The following MSRA variants were observed in gnomAD, a reference collection of about 807,000 sequenced individuals.
The protein encoded by MSRA is mitochondrial peptide methionine sulfoxide reductase.
In MSRA, 54 loss-of-function variants were observed where a neutral mutation model predicts 31.3. The ratio of observed to expected loss-of-function variants is 1.73; its 90% CI spans 1.39 to 2.17. MSRA has a LOEUF of 2.17. MSRA is among the 30% of genes most tolerant of loss of function. The pLI is 0.00. For synonymous variants in MSRA, 169 were observed against 116.5 expected (o/e 1.45, Z -2.90); for missense variants, 507 against 300.9 (o/e 1.69, Z -5.07).
At chr8:10,230,821 G>C (rs368780708) in intron 2 of MSRA, among the ~76,000 whole-genome samples, 120 of 152,268 alleles carry the variant, frequency 7.9e-4, no homozygotes, top group African/African-American at 2.8e-3. Flanking sequence ...TTTTGCTCTC[G>C]TTGCCCAGGC....
chr8:10,388,868 C>T (rs1563423713), intron 5 of MSRA, among the ~76,000 whole-genome samples: 2 of 151,706 alleles, frequency 1.3e-5, no homozygotes, highest in Non-Finnish European at 2.9e-5. Context: ...GCGACCCACC[C>T]CTGCCACTGC....
intron 4 of MSRA, among the ~76,000 whole-genome samples, chr8:10,303,308 A>G (rs940447764): frequency 3.9e-5 from 6 of 152,194 alleles, no homozygotes; most frequent in South Asian, 2.1e-4. Flanking sequence ...CCGCTCTTAA[A>G]TGCTTTCATT....
At chr8:10,207,985 G>A (rs1433631418) in intron 2 of MSRA, 84 bp downstream of exon 2, 1 of 1,099,790 alleles carries the variant, frequency 9.1e-7, no homozygotes, top group East Asian at 2.6e-5. Context: ...TGTTCTCAGG[G>A]CTTCAAAATC....
intron 1 of MSRA, among the ~76,000 whole-genome samples, chr8:10,099,175 AC>A (rs1258902271): frequency 6.6e-6 from 1 of 152,194 alleles, no homozygotes; most frequent in African/African-American, 2.4e-5. Context: ...GTTCTCTGAT[AC>A]AAAAAGAAGG....
chr8:10,180,244 T>G (rs993423063), intron 1 of MSRA, among the ~76,000 whole-genome samples: 1 of 152,176 alleles, frequency 6.6e-6, no homozygotes, highest in Admixed American at 6.5e-5. Flanking sequence ...GTTTATTATA[T>G]TTACTGGTTT....
chr8:10,418,647 C>T (rs577475478), intron 5 of MSRA, among the ~76,000 whole-genome samples: 28 of 152,128 alleles, frequency 1.8e-4, no homozygotes, highest in Admixed American at 1.5e-3. Context: ...ATTGTACGTT[C>T]AGGTTCCTTT....
At chr8:10,283,489 C>T (rs534975032) in intron 3 of MSRA, among the ~76,000 whole-genome samples, 1 of 152,040 alleles carries the variant, frequency 6.6e-6, no homozygotes, top group Non-Finnish European at 1.5e-5. Flanking sequence ...TATTTGGTTA[C>T]ATGAGTGCAT....
intron 1 of MSRA, among the ~76,000 whole-genome samples, chr8:10,098,091 A>G (rs1332512935): frequency 2.0e-5 from 3 of 152,188 alleles, no homozygotes; most frequent in Non-Finnish European, 2.9e-5. Context: ...AAAGACATTT[A>G]GTTGTAACAT....
chr8:10,243,123 C>A (rs967258035), intron 2 of MSRA, among the ~76,000 whole-genome samples: 1 of 152,160 alleles, frequency 6.6e-6, no homozygotes, highest in Non-Finnish European at 1.5e-5. Context: ...TCAGGACAGG[C>A]TAGCTACTAA....
chr8:10,341,108 G>C (rs1296499602), intron 5 of MSRA, among the ~76,000 whole-genome samples: 1 of 152,140 alleles, frequency 6.6e-6, no homozygotes, highest in Non-Finnish European at 1.5e-5. Context: ...TTAGGGGTGG[G>C]GCCAGGAAAT....
In MSRA at chr8:10,112,032, G is replaced by GTTT. The variant is rs35107647; in HGVS notation, c.142+57382_142+57384dup. Among the ~76,000 whole-genome samples the GTTT allele has an allele frequency of 1.2e-3, 132 of 106,452 alleles. 3 individuals are homozygous for GTTT. The South Asian group carries it at 0.022, about 18-fold the overall frequency. The allele number at this position is 106,452 out of a possible 152,430, so 69.8% of individuals were successfully genotyped here. On this transcript the variant is annotated intron_variant, in intron 1 of 5. Transcript: ENST00000317173. ...TCTTTATTTTTCTTTTTAAGACTCA[G>GTTT]TTTTTTTTTTGACTTAGTTTTAAAT...
intron 1 of MSRA, among the ~76,000 whole-genome samples, chr8:10,138,918 G>T (rs1479807490): frequency 6.6e-6 from 1 of 152,224 alleles, no homozygotes; most frequent in African/African-American, 2.4e-5. Flanking sequence ...GAAACAGGTG[G>T]CCCTAGAGCT....
intron 1 of MSRA, among the ~76,000 whole-genome samples, chr8:10,127,718 G>C (rs1460808094): frequency 6.6e-6 from 1 of 152,216 alleles, no homozygotes; most frequent in African/African-American, 2.4e-5. Context: ...TAGCTAACTT[G>C]ATCAAAATTC....
At chr8:10,261,565 G>C (rs779806992) in intron 3 of MSRA, among the ~76,000 whole-genome samples, 2 of 151,992 alleles carry the variant, frequency 1.3e-5, no homozygotes, top group Admixed American at 6.6e-5. Context: ...TTAATTTTTA[G>C]AGCAATTTTA....
chr8:10,346,250 C>T (rs1803767341), intron 5 of MSRA, among the ~76,000 whole-genome samples: 1 of 152,298 alleles, frequency 6.6e-6, no homozygotes, highest in African/African-American at 2.4e-5. Context: ...GAACCTAGTC[C>T]TGAAAATATG....
intron 4 of MSRA, among the ~76,000 whole-genome samples, chr8:10,317,948 C>T (rs1371247787): frequency 6.6e-6 from 1 of 152,094 alleles, no homozygotes; most frequent in Non-Finnish European, 1.5e-5. Flanking sequence ...GGTTACACGC[C>T]CAACCCACCA....
intron 1 of MSRA, among the ~76,000 whole-genome samples, chr8:10,124,390 G>A (rs13282106): frequency 7.9e-5 from 12 of 151,938 alleles, no homozygotes; most frequent in African/African-American, 2.9e-4. Context: ...ATTTCTTTGG[G>A]GCAAACCAGA....
intron 5 of MSRA, among the ~76,000 whole-genome samples, chr8:10,328,862 A>G (rs905817760): frequency 8.5e-5 from 13 of 152,170 alleles, no homozygotes; most frequent in African/African-American, 2.9e-4. Flanking sequence ...GGATGGTTTT[A>G]TACTTCTTTG....
intron 1 of MSRA, among the ~76,000 whole-genome samples, chr8:10,085,351 C>T (rs1167139984): frequency 6.6e-6 from 1 of 152,200 alleles, no homozygotes; most frequent in African/African-American, 2.4e-5. Flanking sequence ...GGCTCCAGGC[C>T]TCTCTTCTTC....
Sources: allele counts gnomAD v4.1 joint callset (sites outside exome capture counted in the v4.1 genomes callset), GRCh38; gene constraint gnomAD v4.1.1; transcripts MANE v1.5; gene names NCBI Gene and HGNC (gene_info 2026-07-23, HGNC 2026-07-21).